The following ZFAT variants were observed in gnomAD, a reference collection of about 807,000 sequenced individuals.
ZFAT encodes the protein zinc finger protein ZFAT.
A neutral mutation model predicts 117.7 loss-of-function variants in ZFAT; 64 were observed. The observed-to-expected ratio is 0.54, with a 90% CI of 0.44 to 0.67. The LOEUF is 0.67. Ranked by LOEUF, ZFAT falls within the 30% of genes least tolerant of loss-of-function variation. ZFAT has a pLI of 0.00. For missense variants in ZFAT, 1,433 were observed against 1,584.5 expected, an observed-to-expected ratio of 0.90 and a Z score of 1.62; for synonymous variants, 679 against 615.0, an observed-to-expected ratio of 1.10 and a Z score of -1.54.
intron 12 of ZFAT, among the ~76,000 whole-genome samples, chr8:134,527,341 G>A (rs758985553): frequency 3.1e-4 from 47 of 152,328 alleles, no homozygotes; most frequent in African/African-American, 1.1e-3. Context: ...AATCCACCAC[G>A]AAGTGTGTGG....
chr8:134,649,668 C>T (rs1475672969), intron 2 of ZFAT, among the ~76,000 whole-genome samples: 5 of 152,138 alleles, frequency 3.3e-5, no homozygotes, highest in Admixed American at 1.3e-4. Flanking sequence ...AAGACTTGAA[C>T]ATTGAAAAAT....
At chr8:134,517,640 G>A (rs902393256) in intron 13 of ZFAT, among the ~76,000 whole-genome samples, 3 of 152,160 alleles carry the variant, frequency 2.0e-5, no homozygotes, top group Admixed American at 6.5e-5. Context: ...TCTCATTAAT[G>A]TTCTTTCTCT....
chr8:134,745,873 T>C, the ZFAT span, among the ~76,000 whole-genome samples: 1 of 152,208 alleles, frequency 6.6e-6, no homozygotes. Context: ...ACCTGCTTAG[T>C]CACGCAGCTA....
the ZFAT span, among the ~76,000 whole-genome samples, chr8:134,802,110 T>C: frequency 6.6e-6 from 1 of 152,112 alleles, no homozygotes; most frequent in Non-Finnish European, 1.5e-5. Context: ...AAGACAGCAG[T>C]GAATGTCAAA....
chr8:134,635,783 C>T lies in ZFAT; in HGVS notation c.448+1678G>A, dbSNP rs545843354. Among the ~76,000 whole-genome samples, 28 of 152,194 alleles carry T rather than the reference C, an allele frequency of 1.8e-4. No homozygotes were observed. In the East Asian group the frequency reaches 5.0e-3, roughly 27 times the overall value. ...GCTTCGGGTTCAGGGGAGGTCTATCCTAATCCTTCCTCTTTCAACCATCTC... is the reference window on the plus strand; with the variant it reads ...GCTTCGGGTTCAGGGGAGGTCTATCTTAATCCTTCCTCTTTCAACCATCTC... On this transcript the variant is annotated intron_variant, in intron 3 of 15. Transcript: ENST00000377838.
At chr8:134,809,485 T>C in the ZFAT span, among the ~76,000 whole-genome samples, 2 of 152,308 alleles carry the variant, frequency 1.3e-5, no homozygotes, top group South Asian at 2.1e-4. Flanking sequence ...ACTGTGAGGG[T>C]TCCTTGGACA....
chr8:134,725,529 C>G, the ZFAT span, among the ~76,000 whole-genome samples: 16 of 152,046 alleles, frequency 1.1e-4, no homozygotes, highest in African/African-American at 3.9e-4. Flanking sequence ...CTCATGAGAA[C>G]TCTATCACAA....
At chr8:134,617,955 C>T (rs1205866778) in intron 3 of ZFAT, among the ~76,000 whole-genome samples, 2 of 152,134 alleles carry the variant, frequency 1.3e-5, no homozygotes, top group African/African-American at 4.8e-5. Flanking sequence ...CTTTCTTGTG[C>T]TATTCTCATG....
At chr8:134,810,090 A>T in the ZFAT span, among the ~76,000 whole-genome samples, 1 of 152,206 alleles carries the variant, frequency 6.6e-6, no homozygotes, top group African/African-American at 2.4e-5. Flanking sequence ...AACTACACCC[A>T]AAACAAAACT....
chr8:134,762,221 C>A, the ZFAT span, among the ~76,000 whole-genome samples: 1 of 152,204 alleles, frequency 6.6e-6, no homozygotes, highest in Admixed American at 6.5e-5. Flanking sequence ...TAACTAGGAA[C>A]AATATCCAAT....
At chr8:134,676,073 G>A (rs917773224) in intron 1 of ZFAT, among the ~76,000 whole-genome samples, 1 of 151,976 alleles carries the variant, frequency 6.6e-6, no homozygotes, top group East Asian at 1.9e-4. Flanking sequence ...CATAATGACA[G>A]GATCAAATTC....
chr8:134,479,103 G>A (rs958913969), intron 15 of ZFAT, among the ~76,000 whole-genome samples: 1 of 152,140 alleles, frequency 6.6e-6, no homozygotes, highest in African/African-American at 2.4e-5. Flanking sequence ...AGGGGTTGGC[G>A]GTGCTCCTGG....
chr8:134,721,902 T>G, the ZFAT span, among the ~76,000 whole-genome samples: 1 of 152,120 alleles, frequency 6.6e-6, no homozygotes, highest in Non-Finnish European at 1.5e-5. Flanking sequence ...AACTGACAAT[T>G]TGGTGTAGGA....
intron 7 of ZFAT, among the ~76,000 whole-genome samples, chr8:134,593,738 G>C (rs546691072): frequency 7.2e-5 from 11 of 152,200 alleles, no homozygotes; most frequent in Non-Finnish European, 1.5e-4. Flanking sequence ...CAAAGGTGGG[G>C]GTTTCTACTC....
chr8:134,489,250 G>A (rs575063865), intron 15 of ZFAT, among the ~76,000 whole-genome samples: 44 of 152,176 alleles, frequency 2.9e-4, no homozygotes, highest in African/African-American at 9.2e-4. Context: ...CTGGTATCCC[G>A]TGAAGAGGAT....
At chr8:134,494,311 G>T (rs550168121) in intron 15 of ZFAT, among the ~76,000 whole-genome samples, 1 of 152,124 alleles carries the variant, frequency 6.6e-6, no homozygotes, top group South Asian at 2.1e-4. Flanking sequence ...AATCACCCCC[G>T]TGACCATCCT....
chr8:134,535,617 C>A (rs1226233269), intron 11 of ZFAT, among the ~76,000 whole-genome samples: 1 of 151,694 alleles, frequency 6.6e-6, no homozygotes, highest in Non-Finnish European at 1.5e-5. Context: ...TGCTTTGTGC[C>A]GCACCGCATG....
At position 134,687,894 on chromosome 8, in the gene ZFAT, C is replaced by G. The variant is rs147753379; in HGVS notation, c.19+24951G>C. On this transcript the variant is annotated intron_variant, in intron 1 of 15. Coordinates refer to ENST00000377838, the MANE Select transcript of ZFAT (RefSeq NM_020863.4). ...TATTTCTGTTCCTCCGTGGGGCAGG[C>G]CTGCCTCTCGTCTTGTTTCTGAAGT... is the stretch of plus-strand genomic sequence containing the variant. Among the ~76,000 whole-genome samples the G allele has an allele frequency of 6.2e-3, 950 of 152,310 alleles. 11 individuals carry two copies. The highest frequency in any genetic ancestry group is 0.021 in the African/African-American group (887 of 41,568).
At chr8:134,652,643 C>A (rs1831317044) in intron 2 of ZFAT, among the ~76,000 whole-genome samples, 1 of 152,186 alleles carries the variant, frequency 6.6e-6, no homozygotes. Context: ...CAGTAATTCA[C>A]AGATGTGTAA....
Sources: allele counts gnomAD v4.1 joint callset (sites outside exome capture counted in the v4.1 genomes callset), GRCh38; gene constraint gnomAD v4.1.1; transcripts MANE v1.5; gene names NCBI Gene and HGNC (gene_info 2026-07-23, HGNC 2026-07-21).